Variants in OLFM3 observed in about 807,000 individuals in gnomAD.
OLFM3 encodes the protein noelin-3.
Under a neutral mutation model 48.6 loss-of-function variants are expected in OLFM3, and 20 were observed. The observed-to-expected ratio is 0.41, with a 90% CI of 0.29 to 0.60. The LOEUF is 0.60. Among genes scored for constraint, OLFM3 ranks in the 20% least tolerant of loss-of-function variants. The pLI is 0.28. For missense variants in OLFM3, 437 were observed against 544.3 expected (o/e 0.80, Z 1.96); for synonymous variants, 222 against 198.1 (o/e 1.12, Z -1.01).
Position 101,920,521 on chromosome 1 carries a change from T to A in OLFM3, c.69+76227A>T, listed in dbSNP as rs59933676. Among the ~76,000 whole-genome samples the A allele has an allele frequency of 8.4e-4, 128 of 152,342 alleles. 2 individuals carry two copies. The East Asian group carries it at 0.023, about 27-fold the overall frequency. ...AAAACTAAATGTGAAGTAAAATATG[T>A]TCACTACTTTTCCTCTTAGAAAATC... On this transcript the variant is annotated intron_variant, in intron 1 of 5. Coordinates refer to ENST00000370103, the MANE Select transcript of OLFM3 (RefSeq NM_058170.4).
At chr1:101,867,953 G>C (rs1266335539) in intron 1 of OLFM3, among the ~76,000 whole-genome samples, 1 of 152,064 alleles carries the variant, frequency 6.6e-6, no homozygotes, top group African/African-American at 2.4e-5. Context: ...TTTATAAGGG[G>C]CTCCCAATTT....
At chr1:101,903,629 G>C (rs17125689) in intron 1 of OLFM3, among the ~76,000 whole-genome samples, 16,075 of 152,014 alleles carry the variant, frequency 0.11, 1,433 homozygotes, top group East Asian at 0.36. Context: ...TTTATGATTA[G>C]TGACACTTAA....
intron 1 of OLFM3, among the ~76,000 whole-genome samples, chr1:101,984,688 C>T (rs1156445504): frequency 1.3e-5 from 2 of 152,206 alleles, no homozygotes; most frequent in African/African-American, 4.8e-5. Flanking sequence ...GCTTGAGCCA[C>T]TGTGGCCGGC....
rs531045140 is a variant in OLFM3 at position 101,859,439 on chromosome 1, T to A, written c.70-22414A>T. Among the ~76,000 whole-genome samples, 142 of 152,052 alleles carry A rather than the reference T, an allele frequency of 9.3e-4. 2 individuals are homozygous for A. In the Middle Eastern group the frequency reaches 0.02, roughly 22 times the overall value. On this transcript the variant is annotated intron_variant, in intron 1 of 5. Coordinates refer to ENST00000370103, the MANE Select transcript of OLFM3 (RefSeq NM_058170.4). ...CATGGGCTAGGCACATTACACAGGATTTTGTGAATAATTAGATGCAAAGAC... is the reference window on the plus strand; with the variant it reads ...CATGGGCTAGGCACATTACACAGGAATTTGTGAATAATTAGATGCAAAGAC...
intron 2 of OLFM3, among the ~76,000 whole-genome samples, chr1:101,835,045 A>G (rs945446888): frequency 7.9e-5 from 12 of 152,170 alleles, no homozygotes; most frequent in Admixed American, 5.2e-4. Flanking sequence ...AGGTGTGAAT[A>G]TGTAATGCTG....
At chr1:101,861,751 C>A (rs1488573021) in intron 1 of OLFM3, among the ~76,000 whole-genome samples, 1 of 152,168 alleles carries the variant, frequency 6.6e-6, no homozygotes, top group Non-Finnish European at 1.5e-5. Context: ...CCAGGTTTGT[C>A]ACTTACTGTG....
intron 1 of OLFM3, among the ~76,000 whole-genome samples, chr1:101,914,770 A>G (rs1207883337): frequency 6.6e-6 from 1 of 152,214 alleles, no homozygotes; most frequent in African/African-American, 2.4e-5. Flanking sequence ...TCAAAACAAT[A>G]AAAGAGTTTT....
chr1:101,852,446 G>A lies in OLFM3; in HGVS notation c.70-15421C>T, dbSNP rs1423530509. 4.6e-5 allele frequency among the ~76,000 whole-genome samples: 7 copies of A among 151,916 alleles called. No individual in the cohort carries two copies. In the South Asian group the frequency reaches 1.2e-3, roughly 27 times the overall value. On this transcript the variant is annotated intron_variant, in intron 1 of 5. Coordinates refer to ENST00000370103, the MANE Select transcript of OLFM3 (RefSeq NM_058170.4). Reference sequence around the variant, plus strand: ...AATAGTTTTTTCACTTGGCTTCCAGGATGCCACACTCACTAGTCTTCCTCC... The same window carrying A: ...AATAGTTTTTTCACTTGGCTTCCAGAATGCCACACTCACTAGTCTTCCTCC...
intron 1 of OLFM3, among the ~76,000 whole-genome samples, chr1:101,897,093 A>G (rs1658235251): frequency 1.3e-5 from 2 of 152,106 alleles, no homozygotes; most frequent in Admixed American, 1.3e-4. Context: ...GATCTAGATA[A>G]TTTCTCCACA....
intron 1 of OLFM3, among the ~76,000 whole-genome samples, chr1:101,869,749 T>C (rs1467006218): frequency 2.6e-5 from 4 of 152,114 alleles, no homozygotes; most frequent in Admixed American, 1.3e-4. Context: ...GGGGCAGTTT[T>C]CCCCATGCTA....
At chr1:101,814,266 G>GT (rs67937847) in intron 4 of OLFM3, among the ~76,000 whole-genome samples, 19,447 of 139,028 alleles carry the variant, frequency 0.14, 1,462 homozygotes, top group East Asian at 0.36. Context: ...CCCAGCTAAG[G>GT]TTTTTTTTTT....
intron 1 of OLFM3, chr1:101,893,439 G>A (rs1406504909): frequency 2.7e-5 from 8 of 293,812 alleles, no homozygotes; most frequent in South Asian, 4.3e-5. Context: ...ATAGTTTTGG[G>A]AGAAGACGAT....
intron 1 of OLFM3, among the ~76,000 whole-genome samples, chr1:101,975,588 A>G (rs1371076235): frequency 6.6e-6 from 1 of 152,188 alleles, no homozygotes. Context: ...GGATAAAAAT[A>G]GTCTTATTGC....
At chr1:101,882,333 TA>T (rs1433373886) in intron 1 of OLFM3, among the ~76,000 whole-genome samples, 1 of 94,884 alleles carries the variant, frequency 1.1e-5, no homozygotes, top group Non-Finnish European at 2.3e-5. Flanking sequence ...ATATATATAA[TA>T]TATATATATA....
chr1:101,891,384 G>A (rs1287768571), intron 1 of OLFM3, among the ~76,000 whole-genome samples: 1 of 151,684 alleles, frequency 6.6e-6, no homozygotes, highest in Non-Finnish European at 1.5e-5. Flanking sequence ...AGATAAGGGA[G>A]GTAGATACTA....
intron 1 of OLFM3, among the ~76,000 whole-genome samples, chr1:101,853,136 G>T (rs370770062): frequency 6.6e-6 from 1 of 152,024 alleles, no homozygotes; most frequent in African/African-American, 2.4e-5. Flanking sequence ...GCACTATAAA[G>T]TTCTACATAA....
chr1:101,885,065 C>T (rs1374965594), intron 1 of OLFM3, among the ~76,000 whole-genome samples: 1 of 151,914 alleles, frequency 6.6e-6, no homozygotes, highest in Admixed American at 6.6e-5. Context: ...TCCATGAAAG[C>T]CACGGAAGCC....
At chr1:101,845,520 A>G (rs1655951790) in intron 1 of OLFM3, among the ~76,000 whole-genome samples, 2 of 152,210 alleles carry the variant, frequency 1.3e-5, no homozygotes, top group African/African-American at 4.8e-5. Flanking sequence ...TAATTCAACA[A>G]TGATGTTGTT....
At chr1:101,896,781 A>G (rs1323227238) in intron 1 of OLFM3, among the ~76,000 whole-genome samples, 4 of 150,282 alleles carry the variant, frequency 2.7e-5, no homozygotes, top group African/African-American at 9.8e-5. Flanking sequence ...CTTAACCCAT[A>G]CAATATTTCC....
Sources: allele counts gnomAD v4.1 joint callset (sites outside exome capture counted in the v4.1 genomes callset), GRCh38; gene constraint gnomAD v4.1.1; transcripts MANE v1.5; gene names NCBI Gene and HGNC (gene_info 2026-07-23, HGNC 2026-07-21).